WDPCP: variants seen among roughly 807,000 people sequenced by gnomAD.
WDPCP encodes the protein WD repeat-containing and planar cell polarity effector protein fritz homolog.
Under a neutral mutation model 93.1 loss-of-function variants are expected in WDPCP, and 71 were observed. That is an observed-to-expected ratio of 0.76 (90% CI 0.63 to 0.93). The LOEUF (loss-of-function observed/expected upper bound fraction) is 0.93, where lower values mean the gene tolerates loss of function less well. Among genes scored for constraint, WDPCP ranks in the 40% least tolerant of loss-of-function variants. The pLI is 0.00. For synonymous variants in WDPCP, 315 were observed against 315.0 expected (o/e 1.00, Z 0.00); for missense variants, 844 against 887.4 (o/e 0.95, Z 0.62).
intron 1 of WDPCP, among the ~76,000 whole-genome samples, chr2:63,498,530 A>G (rs989130858): frequency 9.2e-5 from 14 of 152,226 alleles, no homozygotes; most frequent in East Asian, 3.8e-4. Context: ...ATTTTACCAT[A>G]TAGACTAAAT....
intron 1 of WDPCP, among the ~76,000 whole-genome samples, chr2:63,537,020 A>T (rs1264575034): frequency 1.3e-5 from 2 of 152,052 alleles, no homozygotes; most frequent in South Asian, 4.1e-4. Flanking sequence ...CACCCGCCTC[A>T]GCCTCCCATA....
intron 2 of WDPCP, among the ~76,000 whole-genome samples, chr2:63,768,339 CTT>C (rs575874605): frequency 1.5e-5 from 2 of 137,444 alleles, no homozygotes; most frequent in Non-Finnish European, 1.6e-5. Flanking sequence ...ATTTTTGTTC[CTT>C]TTTTTTTTTT....
intron 2 of WDPCP, among the ~76,000 whole-genome samples, chr2:63,714,595 C>T (rs571361597): frequency 1.3e-5 from 2 of 152,130 alleles, no homozygotes; most frequent in South Asian, 2.1e-4. Context: ...TTTGGGAGGC[C>T]GAGGCGGGCG....
intron 13 of WDPCP, among the ~76,000 whole-genome samples, chr2:63,264,175 T>G (rs1468792541): frequency 1.3e-5 from 2 of 152,260 alleles, no homozygotes; most frequent in African/African-American, 4.8e-5. Flanking sequence ...TACTATATGC[T>G]ACTTGTTTAG....
intron 14 of WDPCP, among the ~76,000 whole-genome samples, chr2:63,195,814 A>G (rs1675388217): frequency 6.6e-6 from 1 of 152,230 alleles, no homozygotes; most frequent in South Asian, 2.1e-4. Flanking sequence ...AAAATTTATC[A>G]AAATGTATAC....
chr2:63,481,936 A>G (rs972641868), intron 6 of WDPCP, among the ~76,000 whole-genome samples: 1 of 151,974 alleles, frequency 6.6e-6, no homozygotes, highest in African/African-American at 2.4e-5. Context: ...AGGAGAAAAA[A>G]TAAGTAAACA....
At chr2:63,686,605 C>T (rs1444317125) in intron 2 of WDPCP, among the ~76,000 whole-genome samples, 1 of 151,966 alleles carries the variant, frequency 6.6e-6, no homozygotes, top group Non-Finnish European at 1.5e-5. Flanking sequence ...TAAGCAGAAC[C>T]ACAAAAGACC....
At chr2:63,713,263 C>T (rs576694528) in intron 2 of WDPCP, among the ~76,000 whole-genome samples, 1 of 152,270 alleles carries the variant, frequency 6.6e-6, no homozygotes, top group Non-Finnish European at 1.5e-5. Flanking sequence ...CCTTTGGGTC[C>T]TTTCATTCTT....
At chr2:63,313,079 A>G (rs1406299869) in intron 13 of WDPCP, among the ~76,000 whole-genome samples, 169 bp downstream of exon 13, 1 of 152,182 alleles carries the variant, frequency 6.6e-6, no homozygotes, top group Non-Finnish European at 1.5e-5. Context: ...AAGATATTAG[A>G]TGGTTATTGA....
chr2:63,291,471 T>A (rs1684414472), intron 13 of WDPCP, among the ~76,000 whole-genome samples: 1 of 152,114 alleles, frequency 6.6e-6, no homozygotes, highest in South Asian at 2.1e-4. Context: ...AGTGATGGTG[T>A]TTTTGTGTCT....
At chr2:63,234,305 T>C (rs901715717) in intron 14 of WDPCP, among the ~76,000 whole-genome samples, 1 of 152,146 alleles carries the variant, frequency 6.6e-6, no homozygotes, top group Non-Finnish European at 1.5e-5. Context: ...CAATATTAAA[T>C]GAAGTGGGCA....
chr2:63,668,961 G>T (rs1014337656), intron 2 of WDPCP, among the ~76,000 whole-genome samples: 1 of 152,150 alleles, frequency 6.6e-6, no homozygotes, highest in African/African-American at 2.4e-5. Context: ...GAAAGCACAG[G>T]ATTTGGGAAC....
intron 10 of WDPCP, 86 bp downstream of exon 10, chr2:63,403,962 T>G (rs1265102058): frequency 6.4e-6 from 10 of 1,571,024 alleles, no homozygotes; most frequent in Admixed American, 1.7e-5. Flanking sequence ...TAGAAAAATC[T>G]ACATTCTAAG....
At chr2:63,534,745 G>A (rs1041709423) in intron 1 of WDPCP, among the ~76,000 whole-genome samples, 1 of 152,124 alleles carries the variant, frequency 6.6e-6, no homozygotes, top group African/African-American at 2.4e-5. Context: ...CAAACCCACA[G>A]CCAATATCAT....
chr2:63,144,862 T>C (rs1671368339), intron 17 of WDPCP, among the ~76,000 whole-genome samples: 1 of 152,214 alleles, frequency 6.6e-6, no homozygotes, highest in African/African-American at 2.4e-5. Context: ...GTTTGTTTTC[T>C]GGTTCCTTCT....
chr2:63,463,526 A>G (rs1699156241), intron 6 of WDPCP, among the ~76,000 whole-genome samples: 1 of 152,214 alleles, frequency 6.6e-6, no homozygotes, highest in South Asian at 2.1e-4. Context: ...AGGGCCCCCC[A>G]GTAGTCAAAA....
chr2:63,141,595 C>T (rs1040011724), intron 17 of WDPCP, among the ~76,000 whole-genome samples: 3 of 152,006 alleles, frequency 2.0e-5, no homozygotes, highest in Non-Finnish European at 2.9e-5. Context: ...TTGGTTATGT[C>T]CTTTCCTGGA....
chr2:63,540,449 T>G (rs1273815387), intron 1 of WDPCP, among the ~76,000 whole-genome samples: 1 of 152,160 alleles, frequency 6.6e-6, no homozygotes, highest in African/African-American at 2.4e-5. Flanking sequence ...AGGAGAGTAA[T>G]GAGAGCAACT....
At chr2:63,742,620 A>G (rs887991279) in intron 2 of WDPCP, among the ~76,000 whole-genome samples, 3 of 150,320 alleles carry the variant, frequency 2.0e-5, no homozygotes, top group African/African-American at 7.4e-5. Flanking sequence ...TTTCTTATAA[A>G]TTCTAATGAT....
Sources: allele counts gnomAD v4.1 joint callset (sites outside exome capture counted in the v4.1 genomes callset), GRCh38; gene constraint gnomAD v4.1.1; transcripts MANE v1.5; gene names NCBI Gene and HGNC (gene_info 2026-07-23, HGNC 2026-07-21).